Variants in THSD7B observed in about 807,000 individuals in gnomAD.
The protein encoded by THSD7B is thrombospondin type 1 domain containing 7B.
A neutral mutation model predicts 213.6 loss-of-function variants in THSD7B; 138 were observed. That is an observed-to-expected ratio of 0.65 (90% confidence interval 0.56 to 0.74). The LOEUF (loss-of-function observed/expected upper bound fraction) is 0.74. THSD7B is among the 30% of genes least tolerant of loss of function. THSD7B has a pLI of 0.00. For synonymous variants in THSD7B, 742 were observed against 687.0 expected, an observed-to-expected ratio of 1.08 and a Z score of -1.25; for missense variants, 1,931 against 1,991.5, an observed-to-expected ratio of 0.97 and a Z score of 0.58.
chr2:136,985,730 T>G (rs775948690), intron 2 of THSD7B, among the ~76,000 whole-genome samples: 1 of 152,176 alleles, frequency 6.6e-6, no homozygotes, highest in Non-Finnish European at 1.5e-5. Context: ...AAAAAGGCCA[T>G]CGCTCTCCAG....
At chr2:136,899,459 C>G (rs1436908976) in intron 2 of THSD7B, among the ~76,000 whole-genome samples, 3 of 152,130 alleles carry the variant, frequency 2.0e-5, no homozygotes, top group Admixed American at 6.5e-5. Flanking sequence ...ATAAGGCAAG[C>G]CAATTGGACA....
At chr2:137,235,310 C>A (rs1257760825) in intron 9 of THSD7B, among the ~76,000 whole-genome samples, 1 of 152,068 alleles carries the variant, frequency 6.6e-6, no homozygotes, top group Non-Finnish European at 1.5e-5. Flanking sequence ...TAAAATGCAG[C>A]AAACTATTAT....
At chr2:137,441,305 C>G (rs1397911312) in intron 14 of THSD7B, among the ~76,000 whole-genome samples, 1 of 152,060 alleles carries the variant, frequency 6.6e-6, no homozygotes, top group Non-Finnish European at 1.5e-5. Context: ...ATTTTCTGAG[C>G]CTCCCCAGCA....
intron 5 of THSD7B, among the ~76,000 whole-genome samples, chr2:137,137,235 C>T (rs1679483167): frequency 6.6e-6 from 1 of 152,130 alleles, no homozygotes; most frequent in East Asian, 1.9e-4. Context: ...ACATTTCTAT[C>T]ACCCCCAGAA....
intron 12 of THSD7B, among the ~76,000 whole-genome samples, chr2:137,356,596 T>A (rs1270373617): frequency 6.6e-6 from 1 of 152,196 alleles, no homozygotes; most frequent in Non-Finnish European, 1.5e-5. Context: ...TTGGTAATCA[T>A]GACACAAGCC....
intron 6 of THSD7B, among the ~76,000 whole-genome samples, chr2:137,163,652 AG>A (rs1180221284): frequency 6.6e-6 from 1 of 152,230 alleles, no homozygotes; most frequent in African/African-American, 2.4e-5. Flanking sequence ...CCTTGATTTC[AG>A]GCTTCCAGCC....
intron 14 of THSD7B, among the ~76,000 whole-genome samples, chr2:137,422,237 A>G (rs998798663): frequency 3.9e-5 from 6 of 152,240 alleles, no homozygotes; most frequent in African/African-American, 1.4e-4. Context: ...TGTTACAATG[A>G]AGAAAGCAAA....
intron 12 of THSD7B, among the ~76,000 whole-genome samples, chr2:137,360,849 G>A (rs373016502): frequency 3.3e-5 from 5 of 152,186 alleles, no homozygotes; most frequent in Admixed American, 1.3e-4. Flanking sequence ...GCTCTGAAGA[G>A]AGCAGTGGGT....
chr2:137,456,816 G>A (rs909092056), intron 15 of THSD7B, among the ~76,000 whole-genome samples: 1 of 152,190 alleles, frequency 6.6e-6, no homozygotes, highest in Non-Finnish European at 1.5e-5. Flanking sequence ...TAATTTAGAA[G>A]ACAAAACCCC....
chr2:137,180,796 C>T (rs971962575), intron 7 of THSD7B, among the ~76,000 whole-genome samples: 1 of 152,054 alleles, frequency 6.6e-6, no homozygotes, highest in African/African-American at 2.4e-5. Flanking sequence ...CTACATTGAC[C>T]CTGCCCTGTA....
At chr2:137,458,408 C>G (rs763428454) in intron 15 of THSD7B, among the ~76,000 whole-genome samples, 4 of 152,118 alleles carry the variant, frequency 2.6e-5, no homozygotes, top group Non-Finnish European at 5.9e-5. Context: ...TTTGATTGTG[C>G]TTTGTCTTCA....
intron 12 of THSD7B, among the ~76,000 whole-genome samples, chr2:137,362,797 A>G (rs535969681): frequency 4.5e-4 from 69 of 152,328 alleles, no homozygotes; most frequent in African/African-American, 1.5e-3. Context: ...GGAGACTTTA[A>G]CACCCCACTG....
chr2:137,167,015 G>A (rs1245083579), intron 6 of THSD7B, among the ~76,000 whole-genome samples: 1 of 152,022 alleles, frequency 6.6e-6, no homozygotes, highest in Admixed American at 6.6e-5. Flanking sequence ...CAGGATGGTG[G>A]TTGATTTCTA....
chr2:136,789,493 C>T (rs1050783907), intron 1 of THSD7B, among the ~76,000 whole-genome samples: 3 of 151,936 alleles, frequency 2.0e-5, no homozygotes, highest in South Asian at 4.2e-4. Flanking sequence ...TAGGAACATT[C>T]GAATTATTCT....
chr2:137,057,181 AC>A lies in THSD7B; in HGVS notation c.904del (p.Arg302GlyfsTer15). The A allele has an allele frequency of 6.2e-7, 1 of 1,613,926 alleles. No homozygotes were observed. Among genetic ancestry groups the A allele is most frequent in the South Asian group, 1.1e-5 (1 of 91,076 alleles). On this transcript the variant is annotated frameshift_variant, in exon 3 of 28. Transcript: ENST00000409968. LOFTEE classifies it high-confidence loss of function. Reference protein sequence around the residue: ...KSWAIEIGYQTRQVSCTRSDG... With the variant: ...KSWAIEIGYQXRQVSCTRSDG... ...TTGGGCAATAGAGATAGGTTATCAAACCCGGCAGGTTTCGTGTACAAGAAGT... is the reference window on the plus strand; with the variant it reads ...TTGGGCAATAGAGATAGGTTATCAAACCGGCAGGTTTCGTGTACAAGAAGT...
intron 1 of THSD7B, among the ~76,000 whole-genome samples, chr2:136,879,354 G>A (rs1364476151): frequency 1.3e-5 from 2 of 152,178 alleles, no homozygotes; most frequent in Non-Finnish European, 2.9e-5. Context: ...GTAGCGTGAT[G>A]CCTCCAGCTT....
At chr2:137,597,478 T>TC (rs1266124791) in intron 17 of THSD7B, among the ~76,000 whole-genome samples, 26 of 151,694 alleles carry the variant, frequency 1.7e-4, no homozygotes, top group Non-Finnish European at 3.2e-4. Flanking sequence ...GTTTTTTTTT[T>TC]TTTAAGATGC....
chr2:136,988,883 GAATGAATCAGAAAAAC>G (rs1402367324), intron 2 of THSD7B, among the ~76,000 whole-genome samples: 2 of 152,236 alleles, frequency 1.3e-5, no homozygotes, highest in African/African-American at 4.8e-5. Flanking sequence ...AAGGATGCAG[GAATGAATCAGAAAAAC>G]AATGAATCAG....
At position 137,157,374 on chromosome 2, in the gene THSD7B, G is replaced by C. The variant is rs1679929247; in HGVS notation, c.1370-2839G>C. Among the ~76,000 whole-genome samples, 2 of 152,170 alleles carry C rather than the reference G, an allele frequency of 1.3e-5. 1 individual carries two copies. The highest frequency in any genetic ancestry group is 4.1e-4 in the South Asian group (2 of 4,826). The stretch of plus-strand genomic sequence containing the variant: ...CCCATCTTGGGTTTTATACCTTGGG[G>C]GATACCTGACATGCTGGGCTAAAAA... On this transcript the variant is annotated intron_variant, in intron 5 of 27. Transcript: ENST00000409968.
Sources: allele counts gnomAD v4.1 joint callset (sites outside exome capture counted in the v4.1 genomes callset), GRCh38; gene constraint gnomAD v4.1.1; transcripts MANE v1.5; gene names NCBI Gene and HGNC (gene_info 2026-07-23, HGNC 2026-07-21).